The following CDC42BPA variants were observed in gnomAD, a reference collection of about 807,000 sequenced individuals.
CDC42BPA encodes the protein serine/threonine-protein kinase MRCK alpha.
CDC42BPA carries 80 observed loss-of-function variants against 223.5 expected under a neutral mutation model. The observed-to-expected ratio is 0.36, with a 90% CI of 0.30 to 0.43. CDC42BPA has a LOEUF of 0.43. CDC42BPA is among the 20% of genes least tolerant of loss of function. CDC42BPA has a pLI of 1.00. For synonymous variants in CDC42BPA, 694 were observed against 718.6 expected, an observed-to-expected ratio of 0.97 and a Z score of 0.55; for missense variants, 1,743 against 2,099.9, an observed-to-expected ratio of 0.83 and a Z score of 3.32.
At chr1:227,191,969 TAAAAA>T (rs60130170) in intron 5 of CDC42BPA, among the ~76,000 whole-genome samples, 2 of 148,032 alleles carry the variant, frequency 1.4e-5, no homozygotes, top group Non-Finnish European at 3.0e-5. Context: ...AAATTTAAAT[TAAAAA>T]AAAAAAACTG....
At chr1:227,161,661 G>T (rs1010303439) in intron 5 of CDC42BPA, among the ~76,000 whole-genome samples, 2 of 152,152 alleles carry the variant, frequency 1.3e-5, no homozygotes, top group Non-Finnish European at 2.9e-5. Context: ...CTGGTTTGCT[G>T]CCTGTTTTTG....
At chr1:227,267,124 C>T (rs1377668971) in intron 1 of CDC42BPA, among the ~76,000 whole-genome samples, 1 of 152,138 alleles carries the variant, frequency 6.6e-6, no homozygotes, top group Non-Finnish European at 1.5e-5. Context: ...TTTGGTCCTA[C>T]TAAGAAAATG....
intron 7 of CDC42BPA, among the ~76,000 whole-genome samples, chr1:227,146,679 C>A (rs1046982160): frequency 2.6e-5 from 4 of 151,938 alleles, no homozygotes; most frequent in Non-Finnish European, 5.9e-5. Flanking sequence ...TTAATTTGTT[C>A]TTGTTGTGTG....
chr1:227,181,763 A>G (rs1262578466), intron 5 of CDC42BPA, among the ~76,000 whole-genome samples: 1 of 152,210 alleles, frequency 6.6e-6, no homozygotes, highest in African/African-American at 2.4e-5. Flanking sequence ...TGAATTTACA[A>G]AATTAAAATT....
chr1:227,011,588 T>C (rs773227390), intron 34 of CDC42BPA, among the ~76,000 whole-genome samples: 3 of 152,202 alleles, frequency 2.0e-5, no homozygotes, highest in Non-Finnish European at 4.4e-5. Context: ...AATATACTAA[T>C]TATTGGTTTA....
chr1:227,093,309 T>C (rs1244352827), intron 15 of CDC42BPA, among the ~76,000 whole-genome samples: 1 of 152,222 alleles, frequency 6.6e-6, no homozygotes, highest in Non-Finnish European at 1.5e-5. Context: ...GTGCAAAATG[T>C]TGATCTGCAC....
At chr1:227,205,923 C>T (rs1233584617) in intron 3 of CDC42BPA, among the ~76,000 whole-genome samples, 2 of 152,080 alleles carry the variant, frequency 1.3e-5, no homozygotes, top group Non-Finnish European at 2.9e-5. Flanking sequence ...GTGGCATGTG[C>T]CTGTAGTCCC....
chr1:227,308,013 T>C (rs1692856536), intron 1 of CDC42BPA, among the ~76,000 whole-genome samples: 1 of 152,224 alleles, frequency 6.6e-6, no homozygotes, highest in Non-Finnish European at 1.5e-5. Flanking sequence ...AAAAAGCTTA[T>C]CCTGTAAGAT....
chr1:227,152,922 G>A (rs1278132410), intron 6 of CDC42BPA, among the ~76,000 whole-genome samples: 2 of 152,008 alleles, frequency 1.3e-5, no homozygotes, highest in African/African-American at 4.8e-5. Flanking sequence ...GGTAGCTACA[G>A]TAATATCAAT....
intron 5 of CDC42BPA, among the ~76,000 whole-genome samples, chr1:227,180,982 A>T (rs568138817): frequency 6.6e-6 from 1 of 152,184 alleles, no homozygotes; most frequent in South Asian, 2.1e-4. Flanking sequence ...AATCAACCTT[A>T]ATCAGACATA....
At chr1:227,278,258 T>G (rs1174784846) in intron 1 of CDC42BPA, among the ~76,000 whole-genome samples, 1 of 152,242 alleles carries the variant, frequency 6.6e-6, no homozygotes, top group East Asian at 1.9e-4. Context: ...AACTCAAATG[T>G]TTAATTATAG....
intron 6 of CDC42BPA, among the ~76,000 whole-genome samples, chr1:227,148,137 T>C (rs1019805657): frequency 6.6e-6 from 1 of 152,182 alleles, no homozygotes; most frequent in East Asian, 1.9e-4. Context: ...GTACTTGTTA[T>C]AGCAGGTTAG....
chr1:227,047,328 A>G (rs749471053), intron 23 of CDC42BPA, among the ~76,000 whole-genome samples: 3 of 152,024 alleles, frequency 2.0e-5, no homozygotes, highest in African/African-American at 7.2e-5. Flanking sequence ...ATCTGGGCAC[A>G]GGTTATTTCA....
intron 5 of CDC42BPA, among the ~76,000 whole-genome samples, chr1:227,164,931 T>C (rs1332796088): frequency 6.6e-6 from 1 of 152,200 alleles, no homozygotes; most frequent in Non-Finnish European, 1.5e-5. Flanking sequence ...AGACAGGTTT[T>C]AGGAAATAAA....
intron 5 of CDC42BPA, among the ~76,000 whole-genome samples, chr1:227,178,608 G>T (rs1271559665): frequency 6.6e-6 from 1 of 152,186 alleles, no homozygotes; most frequent in Non-Finnish European, 1.5e-5. Flanking sequence ...TGATTCTCCT[G>T]ACTCAGCCTC....
chr1:227,239,653 T>C (rs1243601349), intron 2 of CDC42BPA, among the ~76,000 whole-genome samples: 1 of 152,220 alleles, frequency 6.6e-6, no homozygotes, highest in South Asian at 2.1e-4. Flanking sequence ...AAAATCCATA[T>C]AATGATTTCA....
chr1:227,133,063 G>T (rs1272379879), intron 10 of CDC42BPA, among the ~76,000 whole-genome samples: 1 of 149,260 alleles, frequency 6.7e-6, no homozygotes, highest in Non-Finnish European at 1.5e-5. Context: ...CACCAGGCCA[G>T]CCGCCCCGTC....
At chr1:227,234,945 T>C in intron 2 of CDC42BPA, 1 of 152,174 alleles carries the variant, frequency 6.6e-6, no homozygotes, top group East Asian at 1.9e-4. Context: ...TAGCTATCGT[T>C]AGTGTTAGTG....
Position 227,016,980 on chromosome 1 carries a change from A to G in CDC42BPA, c.4686T>C (p.Asn1562=). 6.2e-7 allele frequency: 1 copy of G among 1,613,592 alleles called. No homozygotes were observed. The highest frequency in any genetic ancestry group is 1.1e-5 in the South Asian group (1 of 90,964). The stretch of plus-strand genomic sequence containing the variant: ...GGACTCTGAAGGAATAACGCCGCTT[A>G]TTGTTAATGTTTCTAACCATTTGTT... ...SRKQMVRNIN[N]KRRYSFRVPE... Residue 1562 remains asparagine, a synonymous_variant, in exon 33 of 37, where the codon AAT becomes AAC. Coordinates refer to ENST00000366766, the MANE Select transcript of CDC42BPA (RefSeq NM_001394014.1).
Sources: allele counts gnomAD v4.1 joint callset (sites outside exome capture counted in the v4.1 genomes callset), GRCh38; gene constraint gnomAD v4.1.1; transcripts MANE v1.5; gene names NCBI Gene and HGNC (gene_info 2026-07-23, HGNC 2026-07-21).